Variants in TMEM163 observed in about 807,000 individuals in gnomAD.
TMEM163 encodes the protein transmembrane protein 163.
TMEM163 carries 17 observed loss-of-function variants against 29.3 expected under a neutral mutation model. The observed-to-expected ratio is 0.58, with a 90% CI of 0.40 to 0.87. The LOEUF (loss-of-function observed/expected upper bound fraction) is 0.87, where lower values mean the gene tolerates loss of function less well. TMEM163 is among the 40% of genes least tolerant of loss of function. TMEM163 has a pLI of 0.00. For missense variants in TMEM163, 303 were observed against 381.5 expected (o/e 0.79, Z 1.71); for synonymous variants, 157 against 160.6 (o/e 0.98, Z 0.17).
intron 2 of TMEM163, among the ~76,000 whole-genome samples, chr2:134,578,757 T>C (rs541090336): frequency 6.6e-6 from 1 of 152,246 alleles, no homozygotes; most frequent in East Asian, 1.9e-4. Flanking sequence ...GGTTTGAGTG[T>C]GTGTGTGTGC....
At chr2:134,485,062 C>A (rs901077833) in intron 5 of TMEM163, among the ~76,000 whole-genome samples, 1 of 152,134 alleles carries the variant, frequency 6.6e-6, no homozygotes, top group African/African-American at 2.4e-5. Flanking sequence ...AGAAAGAGAA[C>A]CAGTGAGAGA....
intron 2 of TMEM163, among the ~76,000 whole-genome samples, chr2:134,591,770 G>A (rs371250948): frequency 3.5e-4 from 54 of 152,158 alleles, no homozygotes; most frequent in African/African-American, 1.2e-3. Context: ...CCAACCACCC[G>A]TCAAATGCCA....
rs186489202 is a variant in TMEM163, at chr2:134,632,993, C to T, written c.322+80207G>A. Among the ~76,000 whole-genome samples the T allele has an allele frequency of 1.1e-3, 169 of 150,044 alleles. 1 individual carries two copies. Among genetic ancestry groups the T allele is most frequent in the African/African-American group, 3.8e-3 (156 of 40,748 alleles). On this transcript the variant is annotated intron_variant, in intron 2 of 7. Coordinates refer to ENST00000281924, the MANE Select transcript of TMEM163 (RefSeq NM_030923.5). ...CGGGATGGTCTCGATCTCCTGACCT[C>T]GTGATCCGCCTGCCTCGGCCTCCCA...
chr2:134,586,218 G>C (rs1212853197), intron 2 of TMEM163, among the ~76,000 whole-genome samples: 1 of 152,178 alleles, frequency 6.6e-6, no homozygotes. Flanking sequence ...TGTATTAGTT[G>C]GCAAGGGCTG....
intron 2 of TMEM163, among the ~76,000 whole-genome samples, chr2:134,657,392 C>T (rs1368731474): frequency 6.6e-6 from 1 of 152,214 alleles, no homozygotes; most frequent in African/African-American, 2.4e-5. Flanking sequence ...TTTACAGCAA[C>T]ATGCATAAAG....
chr2:134,518,272 A>G (rs1680117193), intron 4 of TMEM163, among the ~76,000 whole-genome samples: 1 of 152,260 alleles, frequency 6.6e-6, no homozygotes. Context: ...ATTCTGGAAT[A>G]TCAAGTTACA....
intron 2 of TMEM163, among the ~76,000 whole-genome samples, chr2:134,701,894 G>C (rs1038245938): frequency 7.1e-6 from 1 of 141,664 alleles, no homozygotes; most frequent in African/African-American, 2.8e-5. Context: ...CTCCAGGCTG[G>C]GAGACAAGAC....
chr2:134,457,303 C>G (rs1686420875), intron 7 of TMEM163, among the ~76,000 whole-genome samples: 1 of 152,150 alleles, frequency 6.6e-6, no homozygotes. Context: ...CAGTGTATAC[C>G]AAGGACTGGA....
At chr2:134,535,849 A>G (rs1680526809) in intron 4 of TMEM163, among the ~76,000 whole-genome samples, 2 of 151,988 alleles carry the variant, frequency 1.3e-5, no homozygotes, top group Admixed American at 1.3e-4. Flanking sequence ...CAGTTGCCTG[A>G]GTAGCTGGGA....
intron 2 of TMEM163, among the ~76,000 whole-genome samples, chr2:134,688,023 C>T (rs1346382026): frequency 6.6e-6 from 1 of 152,182 alleles, no homozygotes. Context: ...CAGCAGAGAG[C>T]ATGGCCAGAC....
chr2:134,700,447 T>G (rs1684674516), intron 2 of TMEM163, among the ~76,000 whole-genome samples: 1 of 152,232 alleles, frequency 6.6e-6, no homozygotes, highest in Non-Finnish European at 1.5e-5. Context: ...AGAGTTCGAT[T>G]CTCTAGTTAT....
chr2:134,613,952 G>GTTTTTT (rs550515484), intron 2 of TMEM163, among the ~76,000 whole-genome samples: 1 of 151,694 alleles, frequency 6.6e-6, no homozygotes, highest in African/African-American at 2.4e-5. Flanking sequence ...TCCCAGTAAG[G>GTTTTTT]TTTTTTTTGT....
intron 4 of TMEM163, among the ~76,000 whole-genome samples, chr2:134,519,644 A>G (rs1030328116): frequency 6.6e-6 from 1 of 151,932 alleles, no homozygotes; most frequent in Non-Finnish European, 1.5e-5. Context: ...CCCAGGAGGC[A>G]GAGCTTGCAG....
chr2:134,657,760 G>A (rs1683652674), intron 2 of TMEM163, among the ~76,000 whole-genome samples: 1 of 152,044 alleles, frequency 6.6e-6, no homozygotes, highest in South Asian at 2.1e-4. Context: ...CCAAGATCGC[G>A]CCATTGCACT....
chr2:134,474,281 G>GA (rs1402017519), intron 5 of TMEM163, among the ~76,000 whole-genome samples: 2 of 152,166 alleles, frequency 1.3e-5, no homozygotes, highest in Admixed American at 6.5e-5. Context: ...AATAGATGCA[G>GA]AAAAAGCATT....
intron 4 of TMEM163, among the ~76,000 whole-genome samples, chr2:134,546,388 A>C (rs1278084004): frequency 6.6e-6 from 1 of 152,226 alleles, no homozygotes; most frequent in East Asian, 1.9e-4. Context: ...CACACCTGTA[A>C]TACCAGCACT....
intron 6 of TMEM163, among the ~76,000 whole-genome samples, chr2:134,459,797 A>G (rs73958744): frequency 0.16 from 21,093 of 134,092 alleles, 2,643 homozygotes; most frequent in East Asian, 0.39. Flanking sequence ...CTGCATCCCC[A>G]CCTGAGTGTC....
At chr2:134,575,952 G>A (rs988893727) in intron 2 of TMEM163, among the ~76,000 whole-genome samples, 5 of 152,064 alleles carry the variant, frequency 3.3e-5, no homozygotes, top group Non-Finnish European at 7.4e-5. Flanking sequence ...AAGGTCCTAG[G>A]GAACACCTGT....
intron 2 of TMEM163, among the ~76,000 whole-genome samples, chr2:134,634,938 G>A (rs1181441859): frequency 6.6e-6 from 1 of 152,242 alleles, no homozygotes; most frequent in African/African-American, 2.4e-5. Context: ...AAGGATAAAA[G>A]AGAGATGAGA....
Sources: gnomAD v4.1 joint callset for allele counts (sites outside exome capture counted in the v4.1 genomes callset) on GRCh38, gnomAD v4.1.1 for gene constraint, MANE v1.5 for transcripts, NCBI Gene and HGNC (gene_info 2026-07-23, HGNC 2026-07-21) for gene names.